Variants in CTNNA2 observed in about 807,000 individuals in gnomAD.
CTNNA2 encodes catenin alpha 2, also known as catenin alpha-2.
Under a neutral mutation model 101.0 loss-of-function variants are expected in CTNNA2, and 42 were observed. The ratio of observed to expected loss-of-function variants is 0.42; its 90% CI spans 0.32 to 0.54. CTNNA2 has a LOEUF of 0.54. CTNNA2 is among the 20% of genes least tolerant of loss of function. The probability of loss-of-function intolerance (pLI) is 0.14; values close to 1 mark genes in which losing one functional copy is unlikely to be tolerated. For missense variants in CTNNA2, 871 were observed against 1,223.1 expected, an observed-to-expected ratio of 0.71 and a Z score of 4.29; for synonymous variants, 450 against 456.4, an observed-to-expected ratio of 0.99 and a Z score of 0.18.
intron 1 of CTNNA2, among the ~76,000 whole-genome samples, chr2:79,616,909 C>CTTTTTTTTTTTTTTTTT (rs1425285033): frequency 1.4e-5 from 2 of 146,346 alleles, no homozygotes; most frequent in East Asian, 2.0e-4. Context: ...TTCTTTCTTT[C>CTTTTTTTTTTTTTTTTT]TTTTTTTTTC....
chr2:80,316,533 A>T (rs1308212493), intron 7 of CTNNA2, among the ~76,000 whole-genome samples: 2 of 152,200 alleles, frequency 1.3e-5, no homozygotes, highest in African/African-American at 2.4e-5. Context: ...AATAAGACCA[A>T]CACAATTTAA....
intron 1 of CTNNA2, chr2:79,547,104 G>A (rs1488767584): frequency 6.6e-6 from 1 of 151,990 alleles, no homozygotes; most frequent in Non-Finnish European, 1.5e-5. Context: ...GTACATAATA[G>A]GGATCATAAT....
intron 1 of CTNNA2, among the ~76,000 whole-genome samples, chr2:79,573,370 A>G (rs1055994696): frequency 6.6e-6 from 1 of 152,224 alleles, no homozygotes; most frequent in Non-Finnish European, 1.5e-5. Context: ...ATGCAATTAA[A>G]GATATCTCCT....
At chr2:79,458,646 G>C (rs555843347) in intron 4 of CTNNA2, among the ~76,000 whole-genome samples, 1 of 152,166 alleles carries the variant, frequency 6.6e-6, no homozygotes, top group Admixed American at 6.5e-5. Context: ...GCCCTCTCAA[G>C]TTCAAAAAGG....
chr2:79,433,128 GCTC>G (rs769146163), intron 4 of CTNNA2, among the ~76,000 whole-genome samples: 1 of 152,172 alleles, frequency 6.6e-6, no homozygotes, highest in Non-Finnish European at 1.5e-5. Context: ...CCTGTTCACA[GCTC>G]ACTCCCCTCA....
intron 2 of CTNNA2, among the ~76,000 whole-genome samples, chr2:79,653,900 G>A (rs893223050): frequency 6.6e-6 from 1 of 152,124 alleles, no homozygotes; most frequent in Non-Finnish European, 1.5e-5. Flanking sequence ...TGAGCTTTCT[G>A]CCACTATGAA....
At chr2:80,247,287 G>T (rs551335025) in intron 7 of CTNNA2, among the ~76,000 whole-genome samples, 1 of 152,262 alleles carries the variant, frequency 6.6e-6, no homozygotes, top group Admixed American at 6.5e-5. Context: ...ACTCCCTGTT[G>T]CCAATAGCAC....
At chr2:80,246,395 G>A (rs565240999) in intron 7 of CTNNA2, among the ~76,000 whole-genome samples, 2 of 152,276 alleles carry the variant, frequency 1.3e-5, no homozygotes, top group African/African-American at 4.8e-5. Context: ...TCTTTTTCAA[G>A]GTTATTGTTG....
rs1382436348 is a variant in CTNNA2, at chr2:80,295,222, CA to C, written c.1057-97986del. Among the ~76,000 whole-genome samples, 13 of 128,366 alleles carry C rather than the reference CA, an allele frequency of 1.0e-4. No homozygotes were observed. In the East Asian group the frequency reaches 3.1e-3, roughly 31 times the overall value. 84.2% of individuals were successfully genotyped at this position (128,366 alleles called of 152,430 possible). On this transcript the variant is annotated intron_variant, in intron 7 of 18. Coordinates refer to ENST00000402739, the MANE Select transcript of CTNNA2 (RefSeq NM_001282597.3). ...AGTATGTCATTTTGAGAGTCCTGAA[CA>C]AATTTTTTTTTTTTTTGTGGGTAGG...
chr2:80,014,322 G>T (rs914414440), intron 7 of CTNNA2, among the ~76,000 whole-genome samples: 8 of 151,832 alleles, frequency 5.3e-5, no homozygotes, highest in Non-Finnish European at 1.2e-4. Flanking sequence ...AAAGGGCATG[G>T]TTCCGGAGGG....
intron 7 of CTNNA2, among the ~76,000 whole-genome samples, chr2:79,990,085 G>A (rs1320460221): frequency 1.3e-5 from 2 of 152,168 alleles, no homozygotes; most frequent in Non-Finnish European, 2.9e-5. Flanking sequence ...ATGTGTCCCT[G>A]AGAGAGGCTC....
intron 4 of CTNNA2, among the ~76,000 whole-genome samples, chr2:79,868,389 A>G (rs1682309511): frequency 6.6e-6 from 1 of 152,204 alleles, no homozygotes; most frequent in Non-Finnish European, 1.5e-5. Context: ...AAAATGAGTT[A>G]GCCTATTTGG....
rs541456987 is a variant in CTNNA2, at chr2:79,338,177, C to T, written c.-318+25381C>T. Among the ~76,000 whole-genome samples the T allele has an allele frequency of 7.0e-5, 10 of 143,780 alleles. No homozygotes were observed. In the South Asian group the frequency reaches 8.7e-4, roughly 13 times the overall value. 94.3% of individuals were successfully genotyped at this position (143,780 alleles called of 152,430 possible). A position where few individuals can be genotyped will look rare whatever the true frequency, so the allele number is the denominator to read the frequency against. On this transcript the variant is annotated intron_variant, in intron 3 of 21. Coordinates refer to the CTNNA2 transcript ENST00000466387. ...AGGAGAATCGCTTGAACTTGGGAGA[C>T]GGAGGTTGCAGTGAGCCAAGATCGT...
intron 7 of CTNNA2, among the ~76,000 whole-genome samples, chr2:80,119,014 A>G (rs1701682596): frequency 6.6e-6 from 1 of 152,222 alleles, no homozygotes; most frequent in Admixed American, 6.5e-5. Context: ...CCTCTTTTTA[A>G]TCAGATTAGA....
At chr2:80,191,604 G>A (rs1485748265) in intron 7 of CTNNA2, among the ~76,000 whole-genome samples, 8 of 152,298 alleles carry the variant, frequency 5.3e-5, no homozygotes, top group Middle Eastern at 3.4e-3. Flanking sequence ...AACTTCAGAT[G>A]TAGTCTCTTG....
chr2:80,038,448 C>T (rs529936688), intron 7 of CTNNA2, among the ~76,000 whole-genome samples: 22 of 152,234 alleles, frequency 1.4e-4, no homozygotes, highest in African/African-American at 4.8e-4. Flanking sequence ...AGGCCGGGCG[C>T]GGTGACTCAC....
chr2:79,388,036 G>C (rs1023216904), intron 4 of CTNNA2, among the ~76,000 whole-genome samples: 1 of 152,094 alleles, frequency 6.6e-6, no homozygotes, highest in Non-Finnish European at 1.5e-5. Context: ...GGAGAATAAA[G>C]CTGTTGAAAT....
At chr2:80,361,304 AAAC>A (rs1379144130) in intron 7 of CTNNA2, among the ~76,000 whole-genome samples, 5 of 152,146 alleles carry the variant, frequency 3.3e-5, no homozygotes, top group Non-Finnish European at 5.9e-5. Context: ...GTTAAAAATT[AAAC>A]AACAACCATA....
chr2:79,874,421 C>A, intron 6 of CTNNA2, 79 bp downstream of exon 6: 1 of 1,464,732 alleles, frequency 6.8e-7, no homozygotes, highest in Admixed American at 2.0e-5. Flanking sequence ...GATGAAGGGC[C>A]ACTACAATAA....
Sources: gnomAD v4.1 joint callset for allele counts (sites outside exome capture counted in the v4.1 genomes callset) on GRCh38, gnomAD v4.1.1 for gene constraint, MANE v1.5 for transcripts, NCBI Gene and HGNC (gene_info 2026-07-23, HGNC 2026-07-21) for gene names.